The following PCDHGA4 variants were observed in gnomAD, a reference collection of about 807,000 sequenced individuals.
The protein encoded by PCDHGA4 is protocadherin gamma subfamily A, 4, also known as protocadherin gamma-A4.
Under a neutral mutation model 54.6 loss-of-function variants are expected in PCDHGA4, and 38 were observed. The observed-to-expected ratio is 0.70, with a 90% CI of 0.54 to 0.91. PCDHGA4 has a LOEUF of 0.91. PCDHGA4 is among the 40% of genes least tolerant of loss of function. The probability of loss-of-function intolerance (pLI) is 0.00; values close to 1 mark genes in which losing one functional copy is unlikely to be tolerated. For synonymous variants in PCDHGA4, 511 were observed against 512.9 expected, an observed-to-expected ratio of 1.00 and a Z score of 0.05; for missense variants, 1,298 against 1,220.9, an observed-to-expected ratio of 1.06 and a Z score of -0.94.
intron 1 of PCDHGA4, chr5:141,420,300 C>T (rs773892933): frequency 1.6e-5 from 24 of 1,467,248 alleles, no homozygotes; most frequent in African/African-American, 2.8e-5. Context: ...TGTATTTAAT[C>T]CTTTTTATAT....
rs200877911 is a variant in PCDHGA4 at position 141,477,977 on chromosome 5, A to G, written c.2515-16830A>G. ...ATCCCCTAACCAGAGCCTTTTTGCC[A>G]TAGGGCTGCACACTGGTCAAATCAG... On this transcript the variant is annotated intron_variant, in intron 1 of 3. Coordinates refer to ENST00000571252, the MANE Select transcript of PCDHGA4 (RefSeq NM_018917.4). The surrounding 1 kb of genome is among the most constrained non-coding windows in gnomAD (Gnocchi z 4.9). 5 of 1,614,092 alleles carry G rather than the reference A, an allele frequency of 3.1e-6. No individual in the cohort carries two copies. The East Asian group carries it at 6.7e-5, about 22-fold the overall frequency.
chr5:141,487,356 C>T lies in PCDHGA4; in HGVS notation c.2515-7451C>T. 6.2e-7 allele frequency: 1 copy of T among 1,614,220 alleles called. No individual in the cohort carries two copies. The highest frequency in any genetic ancestry group is 8.5e-7 in the Non-Finnish European group (1 of 1,180,042). ...GCCTGTGGAGTCACATGCTTTCCTG[C>T]TGGCACCTGTGCCTGTCTCACCAGA... On this transcript the variant is annotated intron_variant, in intron 1 of 3. Transcript: ENST00000571252. This position sits in a 1 kb window ranked among gnomAD's most constrained non-coding sequence, Gnocchi z 5.0.
At position 141,489,298 on chromosome 5, in the gene PCDHGA4, T is replaced by C; in HGVS notation, c.2515-5509T>C. On this transcript the variant is annotated intron_variant, in intron 1 of 3. Transcript: ENST00000571252. This position sits in a 1 kb window ranked among gnomAD's most constrained non-coding sequence, Gnocchi z 4.5. ...GAAATGGCAAGTGCTGTGCATGTTG[T>C]CCTTGTGCTGCTGGGGCTGGGTGTC... The C allele has an allele frequency of 6.3e-7, 1 of 1,584,418 alleles. No individual in the cohort carries two copies. The highest frequency in any genetic ancestry group is 8.6e-7 in the Non-Finnish European group (1 of 1,165,192).
chr5:141,430,944 G>C (rs1417018095), intron 1 of PCDHGA4: 1 of 1,609,214 alleles, frequency 6.2e-7, no homozygotes, highest in Non-Finnish European at 8.5e-7. Flanking sequence ...CTCGCGGAGC[G>C]CGGAGTCCGC....
chr5:141,355,288 C>G lies in PCDHGA4; in HGVS notation c.181C>G (p.Gln61Glu), dbSNP rs73265823. 2,688 of 1,613,834 alleles carry G rather than the reference C, an allele frequency of 1.7e-3. 40 individuals carry two copies. In the African/African-American group the frequency reaches 0.032, roughly 19 times the overall value. The change falls in exon 1 of 4, where the codon CAG becomes GAG. Residue 61 changes from glutamine to glutamate, a missense_variant. Physicochemically the swap from Gln to Glu is conservative, Grantham distance 29. Transcript: ENST00000571252. Reference protein sequence around the residue: ...LGVLVEIRAEQILYSVFEEQE... With the variant: ...LGVLVEIRAEEILYSVFEEQE... The stretch of plus-strand genomic sequence containing the variant: ...GGTTCTGGTGGAAATCAGGGCCGAA[C>G]AGATTCTCTACTCGGTGTTTGAGGA...
chr5:141,490,111 A>G lies in PCDHGA4; in HGVS notation c.2515-4696A>G. 6.2e-7 allele frequency: 1 copy of G among 1,614,244 alleles called. No individual in the cohort carries two copies. The highest frequency in any genetic ancestry group is 8.5e-7 in the Non-Finnish European group (1 of 1,180,042). On this transcript the variant is annotated intron_variant, in intron 1 of 3. Coordinates refer to ENST00000571252, the MANE Select transcript of PCDHGA4 (RefSeq NM_018917.4). The surrounding 1 kb of genome is among the most constrained non-coding windows in gnomAD (Gnocchi z 5.4). ...AGACCACACATCTGAGGCAGTGCGGAACCTCTTTGGCCTAGACCCTAGCAG... is the reference window on the plus strand; with the variant it reads ...AGACCACACATCTGAGGCAGTGCGGGACCTCTTTGGCCTAGACCCTAGCAG...
chr5:141,368,807 G>A (rs1237062065), intron 1 of PCDHGA4, among the ~76,000 whole-genome samples: 1 of 152,082 alleles, frequency 6.6e-6, no homozygotes, highest in Admixed American at 6.5e-5. Context: ...ACTAATTGAA[G>A]TGTTCATACA....
chr5:141,424,697 T>C (rs1467404367), intron 1 of PCDHGA4: 4 of 152,342 alleles, frequency 2.6e-5, no homozygotes, highest in South Asian at 4.1e-4. Context: ...GGCTATTTTT[T>C]TGTTCATTTT....
At chr5:141,400,773 T>A in intron 1 of PCDHGA4, 1 of 572,450 alleles carries the variant, frequency 1.7e-6, no homozygotes, top group East Asian at 2.9e-5. Flanking sequence ...AAACATTTGG[T>A]GCGTTTTTTT....
chr5:141,403,038 G>A, intron 1 of PCDHGA4: 1 of 1,614,088 alleles, frequency 6.2e-7, no homozygotes, highest in Non-Finnish European at 8.5e-7. Context: ...GCCAGGGCCA[G>A]TCAGATTCGC....
intron 1 of PCDHGA4, chr5:141,409,995 CG>C: frequency 1.2e-6 from 2 of 1,613,308 alleles, no homozygotes; most frequent in Non-Finnish European, 1.7e-6. Context: ...GACGCCGACT[CG>C]GGACACAACG....
intron 1 of PCDHGA4, among the ~76,000 whole-genome samples, chr5:141,443,726 TAC>T: frequency 6.6e-6 from 1 of 152,262 alleles, no homozygotes; most frequent in Admixed American, 6.5e-5. Flanking sequence ...AAATTCCTCA[TAC>T]ATTTCCCTAT....
chr5:141,423,760 G>T, intron 1 of PCDHGA4: 23 of 279,644 alleles, frequency 8.2e-5, no homozygotes, highest in South Asian at 2.0e-4. Flanking sequence ...TGGGGGGGGG[G>T]TGGGGCGGCA....
At chr5:141,365,347 C>A (rs762446364) in intron 1 of PCDHGA4, 3 of 1,613,946 alleles carry the variant, frequency 1.9e-6, no homozygotes, top group Admixed American at 3.3e-5. Context: ...CAGTACAGGA[C>A]GTGAATGACA....
At chr5:141,435,058 A>G (rs1161891073) in intron 1 of PCDHGA4, among the ~76,000 whole-genome samples, 3 of 152,234 alleles carry the variant, frequency 2.0e-5, no homozygotes, top group East Asian at 3.9e-4. Flanking sequence ...ACCATGCAGC[A>G]GTTTTGTGTA....
Position 141,505,488 on chromosome 5 carries a change from G to A in PCDHGA4, c.2662+7G>A. On this transcript the variant is annotated splice_region_variant and intron_variant, in intron 3 of 3. Transcript: ENST00000571252. Reference sequence around the variant, plus strand: ...ATCTTGGCGTCCGCCAGTGGTAAGTGGTGTCAGTGTGTGTATGGAAGAGTG... The same window carrying A: ...ATCTTGGCGTCCGCCAGTGGTAAGTAGTGTCAGTGTGTGTATGGAAGAGTG... The A allele has an allele frequency of 6.2e-7, 1 of 1,614,222 alleles. No individual in the cohort carries two copies. The highest frequency in any genetic ancestry group is 8.5e-7 in the Non-Finnish European group (1 of 1,180,018).
intron 1 of PCDHGA4, among the ~76,000 whole-genome samples, chr5:141,425,219 G>T (rs779272038): frequency 2.0e-5 from 3 of 152,148 alleles, no homozygotes; most frequent in Non-Finnish European, 2.9e-5. Context: ...ATTGTACTTT[G>T]ACTGGAATTA....
At chr5:141,467,280 T>G (rs1021597111) in intron 1 of PCDHGA4, among the ~76,000 whole-genome samples, 58 of 152,272 alleles carry the variant, frequency 3.8e-4, no homozygotes, top group Admixed American at 2.6e-4. Flanking sequence ...CTCGAACTCT[T>G]GACCTCAAGT....
chr5:141,402,857 A>G, intron 1 of PCDHGA4: 2 of 1,425,270 alleles, frequency 1.4e-6, no homozygotes, highest in Non-Finnish European at 1.8e-6. Context: ...CTTTCTTCTA[A>G]GGAAAAGATC....
Sources: allele counts gnomAD v4.1 joint callset (sites outside exome capture counted in the v4.1 genomes callset), GRCh38; gene constraint gnomAD v4.1.1; non-coding constraint Gnocchi (gnomAD v3.1); transcripts MANE v1.5; gene names NCBI Gene and HGNC (gene_info 2026-07-23, HGNC 2026-07-21).